The following SNX13 variants were observed in gnomAD, a reference collection of about 807,000 sequenced individuals.
SNX13 encodes sorting nexin-13.
A neutral mutation model predicts 133.6 loss-of-function variants in SNX13; 45 were observed. The observed-to-expected ratio is 0.34, with a 90% confidence interval of 0.27 to 0.43. The LOEUF (loss-of-function observed/expected upper bound fraction) is 0.43, where lower values mean the gene tolerates loss of function less well. Ranked by LOEUF, SNX13 falls within the 20% of genes least tolerant of loss-of-function variation. The pLI is 1.00. For synonymous variants in SNX13, 414 were observed against 373.9 expected, an observed-to-expected ratio of 1.11 and a Z score of -1.24; for missense variants, 1,032 against 1,145.1, an observed-to-expected ratio of 0.90 and a Z score of 1.43.
intron 1 of SNX13, among the ~76,000 whole-genome samples, chr7:17,913,150 G>A (rs1272930208): frequency 6.6e-6 from 1 of 152,234 alleles, no homozygotes; most frequent in East Asian, 1.9e-4. Context: ...CCCTGAGGGA[G>A]AAGGGAGAGC....
chr7:17,864,144 C>T (rs1419173525), intron 9 of SNX13, among the ~76,000 whole-genome samples: 1 of 152,128 alleles, frequency 6.6e-6, no homozygotes, highest in African/African-American at 2.4e-5. Flanking sequence ...CATCTACAAG[C>T]ACCAAGAACA....
At chr7:17,862,764 T>TA (rs1200188456) in intron 9 of SNX13, among the ~76,000 whole-genome samples, 1 of 152,150 alleles carries the variant, frequency 6.6e-6, no homozygotes, top group Non-Finnish European at 1.5e-5. Context: ...CGGTCTTAAA[T>TA]ATACATTATT....
At chr7:17,914,761 T>C (rs148095843) in intron 1 of SNX13, among the ~76,000 whole-genome samples, 113 of 152,254 alleles carry the variant, frequency 7.4e-4, no homozygotes, top group African/African-American at 2.6e-3. Context: ...ATACTTGCTG[T>C]CACAAAAGCA....
intron 5 of SNX13, among the ~76,000 whole-genome samples, chr7:17,886,835 C>T (rs192079581): frequency 5.9e-5 from 9 of 152,180 alleles, no homozygotes; most frequent in African/African-American, 1.9e-4. Flanking sequence ...GTCTCAACTC[C>T]GTTCAGGTCT....
chr7:17,890,923 T>C lies in SNX13; in HGVS notation c.319-439A>G, dbSNP rs894996812. On this transcript the variant is annotated intron_variant, in intron 4 of 25. Transcript: ENST00000428135. ...ATCATCAGATCCATTGCAGTCTAAT[T>C]ATAAAAATGATACAGGAGTTCACTT... Among the ~76,000 whole-genome samples, 7 of 152,070 alleles carry C rather than the reference T, an allele frequency of 4.6e-5. No individual in the cohort carries two copies. In the South Asian group the frequency reaches 1.2e-3, roughly 27 times the overall value.
chr7:17,915,951 A>G (rs1799515857), intron 1 of SNX13, among the ~76,000 whole-genome samples: 1 of 152,196 alleles, frequency 6.6e-6, no homozygotes, highest in Admixed American at 6.5e-5. Context: ...AATCATACCA[A>G]GTATCTTCTC....
At chr7:17,867,905 C>T (rs1055483000) in intron 9 of SNX13, among the ~76,000 whole-genome samples, 6 of 151,974 alleles carry the variant, frequency 3.9e-5, no homozygotes, top group Admixed American at 3.3e-4. Flanking sequence ...TTAGTAATAA[C>T]TAAGTCTTTG....
chr7:17,832,572 C>G (rs1788624367), intron 15 of SNX13: 1 of 766,402 alleles, frequency 1.3e-6, no homozygotes, highest in Non-Finnish European at 1.6e-6. Context: ...GGTTAGTTGA[C>G]AGAGCTGCTA....
rs1784682915 is a variant in SNX13 at position 17,801,879 on chromosome 7, G to C, written c.2227-220C>G. Among the ~76,000 whole-genome samples, 3 of 151,934 alleles carry C rather than the reference G, an allele frequency of 2.0e-5. No individual in the cohort carries two copies. The South Asian group carries it at 6.2e-4, about 31-fold the overall frequency. On this transcript the variant is annotated intron_variant, in intron 21 of 25. Coordinates refer to ENST00000428135, the MANE Select transcript of SNX13 (RefSeq NM_015132.5). ...TACAAAATAAATGACTTTTGAGTTA[G>C]AAATAAAAATTAGTCAGTCAAACTC...
At chr7:17,870,670 C>T (rs1358200642) in intron 8 of SNX13, among the ~76,000 whole-genome samples, 1 of 152,138 alleles carries the variant, frequency 6.6e-6, no homozygotes, top group Non-Finnish European at 1.5e-5. Flanking sequence ...TTTCCTTTTG[C>T]ATTAAAACTG....
intron 17 of SNX13, among the ~76,000 whole-genome samples, chr7:17,825,576 A>G (rs1255532559): frequency 6.6e-6 from 1 of 152,176 alleles, no homozygotes; most frequent in Admixed American, 6.5e-5. Flanking sequence ...GAGGTTTCTC[A>G]CCTCATTATT....
chr7:17,884,254 C>T (rs562153861), intron 5 of SNX13, among the ~76,000 whole-genome samples: 205 of 152,228 alleles, frequency 1.3e-3, no homozygotes, highest in African/African-American at 4.6e-3. Flanking sequence ...TAACAGTGAT[C>T]TTTGGATTGT....
At chr7:17,918,961 G>C (rs1021157266) in intron 1 of SNX13, among the ~76,000 whole-genome samples, 1 of 152,126 alleles carries the variant, frequency 6.6e-6, no homozygotes, top group African/African-American at 2.4e-5. Flanking sequence ...GCAGGTGGAG[G>C]CCATTGTCCT....
At chr7:17,802,948 A>G (rs959658339) in intron 21 of SNX13, among the ~76,000 whole-genome samples, 1 of 152,142 alleles carries the variant, frequency 6.6e-6, no homozygotes, top group African/African-American at 2.4e-5. Context: ...CCAGTAACGT[A>G]TGAGCCCAGA....
rs1279382412 is a variant in SNX13 at position 17,917,874 on chromosome 7, A to T, written c.13-20428T>A. ...AGCAAAAGAAAATAGGTATCACATT[A>T]CCTGACTTAAAACTATACCACATTA... On this transcript the variant is annotated intron_variant, in intron 1 of 25. Coordinates refer to ENST00000428135, the MANE Select transcript of SNX13 (RefSeq NM_015132.5). 2.6e-5 allele frequency among the ~76,000 whole-genome samples: 4 copies of T among 152,256 alleles called. No homozygotes were observed. In the East Asian group the frequency reaches 7.7e-4, roughly 29 times the overall value.
chr7:17,904,572 T>C (rs970353141), intron 1 of SNX13, among the ~76,000 whole-genome samples: 3 of 152,100 alleles, frequency 2.0e-5, no homozygotes, highest in African/African-American at 4.8e-5. Context: ...AGAACTACCA[T>C]AGAAAGGAAC....
chr7:17,916,373 T>C (rs1309301713), intron 1 of SNX13, among the ~76,000 whole-genome samples: 1 of 152,150 alleles, frequency 6.6e-6, no homozygotes, highest in Non-Finnish European at 1.5e-5. Context: ...AAATCAAAAG[T>C]TGGTTATTTG....
intron 1 of SNX13, chr7:17,898,893 T>C (rs1797512540): frequency 1.3e-5 from 2 of 152,230 alleles, no homozygotes; most frequent in Non-Finnish European, 2.9e-5. Context: ...TTTTTCCACA[T>C]CTTGGCCACT....
At chr7:17,905,120 A>G (rs1166204292) in intron 1 of SNX13, among the ~76,000 whole-genome samples, 1 of 152,214 alleles carries the variant, frequency 6.6e-6, no homozygotes, top group African/African-American at 2.4e-5. Flanking sequence ...ATATACTCCT[A>G]TGATTAGTTT....
Sources: gnomAD v4.1 joint callset for allele counts (sites outside exome capture counted in the v4.1 genomes callset) on GRCh38, gnomAD v4.1.1 for gene constraint, MANE v1.5 for transcripts, NCBI Gene and HGNC (gene_info 2026-07-23, HGNC 2026-07-21) for gene names.